ERCC3: variants seen among roughly 807,000 people sequenced by gnomAD.
ERCC3 encodes ERCC excision repair 3, TFIIH core complex helicase subunit, also known as general transcription and DNA repair factor IIH helicase/translocase subunit XPB.
A neutral mutation model predicts 94.2 loss-of-function variants in ERCC3; 66 were observed. That is an observed-to-expected ratio of 0.70 (90% CI 0.57 to 0.86). The LOEUF is 0.86. ERCC3 is among the 40% of genes least tolerant of loss of function. The pLI, the probability that ERCC3 is intolerant of heterozygous loss-of-function variation, is 0.00. For missense variants in ERCC3, 829 were observed against 987.1 expected (o/e 0.84, Z 2.15); for synonymous variants, 349 against 369.1 (o/e 0.95, Z 0.63).
chr2:127,270,977 A>T (rs993669077), intron 12 of ERCC3, among the ~76,000 whole-genome samples: 1 of 152,210 alleles, frequency 6.6e-6, no homozygotes, highest in African/African-American at 2.4e-5. Flanking sequence ...TTCCAGAAGC[A>T]GCTTCCAGCT....
In ERCC3 at chr2:127,258,679, C is replaced by T. The variant is rs1188556118; in HGVS notation, c.2217+617G>A. 6.6e-6 allele frequency among the ~76,000 whole-genome samples: 1 copy of T among 152,218 alleles called. No individual in the cohort carries two copies. Among genetic ancestry groups the T allele is most frequent in the African/African-American group, 2.4e-5 (1 of 41,462 alleles). On this transcript the variant is annotated intron_variant, in intron 14 of 14. Transcript: ENST00000285398. The surrounding 1 kb of genome is among the most constrained non-coding windows in gnomAD (Gnocchi z 4.1). ...AAACGCACCTGACTGAAGTGCACTT[C>T]TCCCCTTGGACAGGCCTGCTAATTC...
rs758594852 is a variant in ERCC3 at position 127,280,590 on chromosome 2, A to C, written c.1384T>G (p.Cys462Gly). The C allele has an allele frequency of 1.9e-6, 3 of 1,614,208 alleles. No homozygotes were observed. The highest frequency in any genetic ancestry group is 3.3e-4 in the Middle Eastern group (2 of 6,056). ...RRVLTIVQAH[C>G]KLGLTATLVR... ...AGGGTCGCAGTCAAACCCAGCTTAC[A>C]GTGGGCCTGCACGATGGTGAGCACC... Residue 462 changes from cysteine (C) to glycine (G), a missense_variant, in exon 9 of 15, where the codon TGT (cysteine) becomes GGT (glycine). Cys to Gly is a radical substitution (Grantham distance 159, BLOSUM62 -3). Transcript: ENST00000285398. The surrounding 1 kb of genome is among the most constrained non-coding windows in gnomAD (Gnocchi z 6.3).
intron 4 of ERCC3, 139 bp downstream of exon 4, chr2:127,290,085 C>G: frequency 1.2e-6 from 1 of 838,952 alleles, no homozygotes; most frequent in East Asian, 2.5e-5. Context: ...GTCTGGGCCA[C>G]ATCTCTTGTT....
In ERCC3 at chr2:127,271,816, CT is replaced by C. The variant is rs1684560915; in HGVS notation, c.1828-364del. ...ATATGTCTCCACAAAACCATCCATA[CT>C]CTTACCTGTTGGCCACTGACACCAG... On this transcript the variant is annotated intron_variant, in intron 11 of 14. Transcript: ENST00000285398. The surrounding 1 kb of genome is among the most constrained non-coding windows in gnomAD (Gnocchi z 5.0). 6.6e-6 allele frequency among the ~76,000 whole-genome samples: 1 copy of C among 152,078 alleles called. No individual in the cohort carries two copies. Among genetic ancestry groups the C allele is most frequent in the Non-Finnish European group, 1.5e-5 (1 of 68,018 alleles).
At chr2:127,263,951 C>G (rs933973271) in intron 12 of ERCC3, among the ~76,000 whole-genome samples, 1 of 152,046 alleles carries the variant, frequency 6.6e-6, no homozygotes, top group African/African-American at 2.4e-5. Context: ...TTGTTGTGAT[C>G]CGCCCACCTC....
At chr2:127,261,481 G>C in intron 12 of ERCC3, 135 bp from the exon 13 acceptor site, 4 of 738,132 alleles carry the variant, frequency 5.4e-6, no homozygotes, top group Non-Finnish European at 9.9e-6. Flanking sequence ...CCTGAACTTG[G>C]CATGGGATTG....
Position 127,271,205 on chromosome 2 carries a change from C to T in ERCC3, c.1945+131G>A. The T allele has an allele frequency of 2.6e-6, 2 of 767,498 alleles. No homozygotes were observed. Among genetic ancestry groups the T allele is most frequent in the Non-Finnish European group, 4.7e-6 (2 of 421,268 alleles). The allele number at this position is 767,498 out of a possible 1,614,324, so 47.5% of individuals were successfully genotyped here. A position where few individuals can be genotyped will look rare whatever the true frequency, so the allele number is the denominator to read the frequency against. ...TGGGCCATAAGGATCTAGGTCTTTG[C>T]TTTGGGATTCTCTCCCTCCAGAGTC... is the stretch of plus-strand genomic sequence containing the variant. On this transcript the variant is annotated intron_variant, in intron 12 of 14. Transcript: ENST00000285398. This position sits in a 1 kb window ranked among gnomAD's most constrained non-coding sequence, Gnocchi z 5.0.
rs770713674 is a variant in ERCC3 at position 127,287,032 on chromosome 2, A to C, written c.1028-15T>G. 1 of 1,602,514 alleles carries C rather than the reference A, an allele frequency of 6.2e-7. No individual in the cohort carries two copies. The highest frequency in any genetic ancestry group is 8.5e-7 in the Non-Finnish European group (1 of 1,174,568). The stretch of plus-strand genomic sequence containing the variant: ...CTTTCCAGCACCTACAAGAAACAAG[A>C]GTGCAATCCCACCCAAGGACAGGTT... On this transcript the variant is annotated splice_polypyrimidine_tract_variant and intron_variant, in intron 7 of 14. Coordinates refer to ENST00000285398, the MANE Select transcript of ERCC3 (RefSeq NM_000122.2).
In ERCC3 at chr2:127,280,281, T is replaced by C; in HGVS notation, c.1527+166A>G. Among the ~76,000 whole-genome samples, 1 of 152,178 alleles carries C rather than the reference T, an allele frequency of 6.6e-6. No individual in the cohort carries two copies. On this transcript the variant is annotated intron_variant, in intron 9 of 14. Transcript: ENST00000285398. This position sits in a 1 kb window ranked among gnomAD's most constrained non-coding sequence, Gnocchi z 6.3. ...GACAAGACAGAAGATATGCAGCAAG[T>C]GGGTCTAGTACCACCCAACCACAGG... is the stretch of plus-strand genomic sequence containing the variant.
rs774982261 is a variant in ERCC3 at position 127,292,572 on chromosome 2, C to T, written c.471+38G>A. On this transcript the variant is annotated intron_variant, in intron 3 of 14. Coordinates refer to ENST00000285398, the MANE Select transcript of ERCC3 (RefSeq NM_000122.2). ...GCACCTATGCCTATTGTTACATTAGCAGGGCAGGTGGAATTGCTGGTCTCA... is the reference window on the plus strand; with the variant it reads ...GCACCTATGCCTATTGTTACATTAGTAGGGCAGGTGGAATTGCTGGTCTCA... 22 of 1,285,364 alleles carry T rather than the reference C, an allele frequency of 1.7e-5. No individual in the cohort carries two copies. The Admixed American group carries it at 1.8e-4, about 11-fold the overall frequency. 79.6% of individuals were successfully genotyped at this position (1,285,364 alleles called of 1,614,324 possible).
intron 7 of ERCC3, among the ~76,000 whole-genome samples, chr2:127,287,519 G>A (rs1030444000): frequency 5.3e-5 from 8 of 152,012 alleles, no homozygotes; most frequent in Admixed American, 2.6e-4. Context: ...CTATAATCCC[G>A]GTCACTTGGG....
In ERCC3 at chr2:127,271,184, C is replaced by T. The variant is rs1188402716; in HGVS notation, c.1945+152G>A. ...CCAAGGTATGAGAAATAATGATGGG[C>T]CATAAGGATCTAGGTCTTTGCTTTG... On this transcript the variant is annotated intron_variant, in intron 12 of 14. Coordinates refer to ENST00000285398, the MANE Select transcript of ERCC3 (RefSeq NM_000122.2). The surrounding 1 kb of genome is among the most constrained non-coding windows in gnomAD (Gnocchi z 5.0). The T allele has an allele frequency of 2.7e-6, 2 of 731,852 alleles. No individual in the cohort carries two copies. The highest frequency in any genetic ancestry group is 2.9e-5 in the South Asian group (2 of 68,128). The allele number at this position is 731,852 out of a possible 1,614,324, so 45.3% of individuals were successfully genotyped here.
In ERCC3 at chr2:127,259,165, T is replaced by C; in HGVS notation, c.2217+131A>G. On this transcript the variant is annotated intron_variant, in intron 14 of 14. Coordinates refer to ENST00000285398, the MANE Select transcript of ERCC3 (RefSeq NM_000122.2). This position sits in a 1 kb window ranked among gnomAD's most constrained non-coding sequence, Gnocchi z 4.9. ...ACAAGGATTGTTTCTGTTCATCTCT[T>C]CCGTGTTTTCCAACATTTCCAAAAA... is the stretch of plus-strand genomic sequence containing the variant. 2.0e-6 allele frequency: 2 copies of C among 1,015,506 alleles called. No homozygotes were observed. Among genetic ancestry groups the C allele is most frequent in the Non-Finnish European group, 3.0e-6 (2 of 662,674 alleles). 62.9% of individuals were successfully genotyped at this position (1,015,506 alleles called of 1,614,324 possible). A position where few individuals can be genotyped will look rare whatever the true frequency, so the allele number is the denominator to read the frequency against.
At chr2:127,267,998 G>A (rs188988615) in intron 12 of ERCC3, among the ~76,000 whole-genome samples, 14 of 152,108 alleles carry the variant, frequency 9.2e-5, no homozygotes, top group African/African-American at 3.1e-4. Context: ...TTGTTGCCCA[G>A]GCTGGAGTGC....
intron 12 of ERCC3, among the ~76,000 whole-genome samples, chr2:127,268,849 G>A (rs991171001): frequency 2.6e-5 from 4 of 152,044 alleles, no homozygotes; most frequent in African/African-American, 9.7e-5. Flanking sequence ...TTACCTTTTC[G>A]CTTTAAGAAA....
In ERCC3 at chr2:127,286,893, A is replaced by T; in HGVS notation, c.1152T>A (p.Ile384=). ...TGAACCGGCAGATCTGGCTGTCGTC[A>T]ATGGTGGACCACATCTTGAACTGGG... ...WKAQFKMWST[I]DDSQICRFTS... is the part of the protein sequence containing the mutation. The change falls in exon 8 of 15, where the codon ATT becomes ATA. Residue 384 remains isoleucine, a synonymous_variant. Transcript: ENST00000285398. 1 of 1,614,238 alleles carries T rather than the reference A, an allele frequency of 6.2e-7. No individual in the cohort carries two copies. The highest frequency in any genetic ancestry group is 8.5e-7 in the Non-Finnish European group (1 of 1,180,046).
In ERCC3 at chr2:127,257,779, C is replaced by A; in HGVS notation, c.2218-52G>T. 6.2e-7 allele frequency: 1 copy of A among 1,603,728 alleles called. No homozygotes were observed. Among genetic ancestry groups the A allele is most frequent in the Non-Finnish European group, 8.5e-7 (1 of 1,170,816 alleles). ...GTTAGTCTCCAGAAGAAAAGATACTCCTTTTATAATACTTATAATCACAGC... is the reference window on the plus strand; with the variant it reads ...GTTAGTCTCCAGAAGAAAAGATACTACTTTTATAATACTTATAATCACAGC... On this transcript the variant is annotated intron_variant, in intron 14 of 14. Transcript: ENST00000285398. The surrounding 1 kb of genome is among the most constrained non-coding windows in gnomAD (Gnocchi z 5.4).
rs111822922 is a variant in ERCC3 at position 127,290,633 on chromosome 2, C to T, written c.472-360G>A. 659 of 337,676 alleles carry T rather than the reference C, an allele frequency of 2.0e-3. 4 individuals are homozygous for T. The highest frequency in any genetic ancestry group is 0.013 in the African/African-American group (593 of 47,094). The allele number at this position is 337,676 out of a possible 1,614,324, so 20.9% of individuals were successfully genotyped here. The stretch of plus-strand genomic sequence containing the variant: ...CCACAGAGTATGTGCACAGTAATTG[C>T]GGCTTAAATAAAATGCAAAGCCTCT... On this transcript the variant is annotated intron_variant, in intron 3 of 14. Coordinates refer to ENST00000285398, the MANE Select transcript of ERCC3 (RefSeq NM_000122.2).
Position 127,286,766 on chromosome 2 carries a change from T to G in ERCC3, c.1279A>C (p.Met427Leu). The G allele has an allele frequency of 6.2e-7, 1 of 1,614,170 alleles. No individual in the cohort carries two copies. The highest frequency in any genetic ancestry group is 8.5e-7 in the Non-Finnish European group (1 of 1,180,024). The change falls in exon 8 of 15, where the codon ATG becomes CTG. Residue 427 changes from methionine (M) to leucine (L), a missense_variant. By Grantham distance (15) the Met-to-Leu change is conservative. Coordinates refer to ENST00000285398, the MANE Select transcript of ERCC3 (RefSeq NM_000122.2). ...TKRSWEAERV[M>L]EWLKTQEWGL... ...CACTCCTGGGTCTTGAGCCACTCCA[T>G]GACTCGCTCGGCCTCCCAGGACCTT...
Sources: allele counts gnomAD v4.1 joint callset (sites outside exome capture counted in the v4.1 genomes callset), GRCh38; gene constraint gnomAD v4.1.1; non-coding constraint Gnocchi (gnomAD v3.1); transcripts MANE v1.5; gene names NCBI Gene and HGNC (gene_info 2026-07-23, HGNC 2026-07-21).